The following IFT56 variants were observed in gnomAD, a reference collection of about 807,000 sequenced individuals.
IFT56 encodes the protein intraflagellar transport 56.
the IFT56 span, chr7:139,161,459 T>C: frequency 6.4e-6 from 1 of 155,042 alleles, no homozygotes; most frequent in African/African-American, 2.4e-5. Flanking sequence ...AAATTTGTAC[T>C]GGGGAATAGC....
the IFT56 span, among the ~76,000 whole-genome samples, chr7:139,167,582 G>A: frequency 1.3e-5 from 2 of 152,190 alleles, no homozygotes; most frequent in Non-Finnish European, 2.9e-5. Context: ...CTTATAAATG[G>A]ATATCAGAGG....
At chr7:139,147,269 A>C in the IFT56 span, 1 of 1,611,470 alleles carries the variant, frequency 6.2e-7, no homozygotes, top group South Asian at 1.1e-5. Flanking sequence ...GATATATATA[A>C]GCGAATACTG....
chr7:139,137,783 T>G, the IFT56 span: 1 of 1,382,700 alleles, frequency 7.2e-7, no homozygotes, highest in Non-Finnish European at 1.0e-6. Context: ...GTAGCATTTT[T>G]TTTTAAACAG....
the IFT56 span, among the ~76,000 whole-genome samples, chr7:139,166,569 T>C: frequency 3.4e-4 from 51 of 152,210 alleles, no homozygotes; most frequent in African/African-American, 1.2e-3. Flanking sequence ...TTTTCTTATC[T>C]AATACAATGC....
At chr7:139,175,024 AAAAG>A in the IFT56 span, among the ~76,000 whole-genome samples, 8 of 134,446 alleles carry the variant, frequency 6.0e-5, no homozygotes, top group South Asian at 1.4e-3. Context: ...CCCGTCTCAA[AAAAG>A]AAAGAAAGAA....
At chr7:139,167,917 G>A in the IFT56 span, among the ~76,000 whole-genome samples, 3 of 150,330 alleles carry the variant, frequency 2.0e-5, no homozygotes, top group Non-Finnish European at 4.4e-5. Flanking sequence ...CTCCAGCCTG[G>A]GCGACAGAGC....
the IFT56 span, chr7:139,146,877 A>G: frequency 1.4e-6 from 1 of 714,008 alleles, no homozygotes; most frequent in African/African-American, 1.8e-5. Flanking sequence ...ATAAAGAAAA[A>G]GAAAAGATAA....
the IFT56 span, chr7:139,181,091 G>T: frequency 1.3e-6 from 2 of 1,588,980 alleles, no homozygotes; most frequent in Admixed American, 3.6e-5. Flanking sequence ...TCCTTTTGCA[G>T]ATATTATGAA....
chr7:139,160,073 C>T, the IFT56 span, among the ~76,000 whole-genome samples: 1 of 152,062 alleles, frequency 6.6e-6, no homozygotes, highest in East Asian at 1.9e-4. Flanking sequence ...CCTAATATTA[C>T]CCAAAATTTT....
chr7:139,138,533 G>A, the IFT56 span, among the ~76,000 whole-genome samples: 93 of 152,182 alleles, frequency 6.1e-4, no homozygotes, highest in South Asian at 1.7e-3. Context: ...TCTTGTGTAC[G>A]TTTTACTTTT....
At chr7:139,191,130 T>G in the IFT56 span, 1 of 152,164 alleles carries the variant, frequency 6.6e-6, no homozygotes, top group South Asian at 2.1e-4. Context: ...GGATGGCCAG[T>G]TTTTCTGTCT....
the IFT56 span, among the ~76,000 whole-genome samples, chr7:139,184,825 C>T: frequency 5.4e-4 from 82 of 150,694 alleles, 1 homozygote; most frequent in African/African-American, 1.5e-3. Flanking sequence ...GAGGCTGAGG[C>T]GGGCGGATCA....
the IFT56 span, chr7:139,180,973 A>G: frequency 1.7e-6 from 1 of 590,376 alleles, no homozygotes; most frequent in Non-Finnish European, 2.9e-6. Context: ...TTTCCATGAA[A>G]GCTTTCCATT....
chr7:139,185,529 C>T, the IFT56 span, among the ~76,000 whole-genome samples: 6 of 152,096 alleles, frequency 3.9e-5, no homozygotes, highest in East Asian at 5.8e-4. Flanking sequence ...AGGTACAAGA[C>T]ATAATAGAAT....
chr7:139,141,319 A>G, the IFT56 span, among the ~76,000 whole-genome samples: 1 of 151,414 alleles, frequency 6.6e-6, no homozygotes, highest in South Asian at 2.1e-4. Flanking sequence ...GTGGCTATTC[A>G]TAGGTGTGAG....
chr7:139,174,921 T>C, the IFT56 span, among the ~76,000 whole-genome samples: 1 of 151,834 alleles, frequency 6.6e-6, no homozygotes, highest in Non-Finnish European at 1.5e-5. Context: ...CTCAGGAGAC[T>C]GAGGCAGGAG....
chr7:139,188,031 T>C, the IFT56 span, among the ~76,000 whole-genome samples: 122 of 151,874 alleles, frequency 8.0e-4, 1 homozygote, highest in Non-Finnish European at 7.9e-4. Flanking sequence ...TTCTAGGAAA[T>C]ACTGAGACAT....
the IFT56 span, chr7:139,160,927 C>T: frequency 6.2e-7 from 1 of 1,601,078 alleles, no homozygotes; most frequent in Non-Finnish European, 8.5e-7. Context: ...TTTTCATAAG[C>T]CTTTCTTCTT....
the IFT56 span, among the ~76,000 whole-genome samples, chr7:139,184,947 A>G: frequency 5.9e-5 from 9 of 151,364 alleles, no homozygotes; most frequent in Non-Finnish European, 1.0e-4. Context: ...CCAGCTACTC[A>G]GGAGGCTGAG....
Sources: gnomAD v4.1 joint callset for allele counts (sites outside exome capture counted in the v4.1 genomes callset) on GRCh38, gnomAD v4.1.1 for gene constraint, MANE v1.5 for transcripts, NCBI Gene and HGNC (gene_info 2026-07-23, HGNC 2026-07-21) for gene names.